ABLIM2: variants seen among roughly 807,000 people sequenced by gnomAD.
ABLIM2 encodes actin-binding LIM protein 2.
Under a neutral mutation model 97.7 loss-of-function variants are expected in ABLIM2, and 53 were observed. The ratio of observed to expected loss-of-function variants is 0.54; its 90% CI spans 0.44 to 0.68. ABLIM2 has a LOEUF of 0.68. Ranked by LOEUF, ABLIM2 falls within the 30% of genes least tolerant of loss-of-function variation. The probability of loss-of-function intolerance (pLI) is 0.00; values close to 1 mark genes in which losing one functional copy is unlikely to be tolerated. For synonymous variants in ABLIM2, 361 were observed against 345.8 expected (o/e 1.04, Z -0.49); for missense variants, 835 against 867.2 (o/e 0.96, Z 0.47).
In ABLIM2 at chr4:8,083,245, T is replaced by C. The variant is rs538201457; in HGVS notation, c.455-2443A>G. On this transcript the variant is annotated intron_variant, in intron 4 of 20. Transcript: ENST00000447017. The surrounding 1 kb of genome is among the most constrained non-coding windows in gnomAD (Gnocchi z 4.6). ...GACAGCAGCGGTCAGATCCCAGCAA[T>C]GCCCCCCACCGGCTGTGACCTGGGG... Among the ~76,000 whole-genome samples the C allele has an allele frequency of 6.6e-6, 1 of 152,284 alleles. No individual in the cohort carries two copies. Among genetic ancestry groups the C allele is most frequent in the Non-Finnish European group, 1.5e-5 (1 of 68,022 alleles).
chr4:8,000,685 G>T (rs1756531234), intron 16 of ABLIM2, among the ~76,000 whole-genome samples: 1 of 152,118 alleles, frequency 6.6e-6, no homozygotes, highest in South Asian at 2.1e-4. Context: ...AGGAAAGAAG[G>T]CTGCTGCTCA....
chr4:8,019,733 T>C lies in ABLIM2; in HGVS notation c.1370-62A>G. 6.7e-7 allele frequency: 1 copy of C among 1,491,372 alleles called. No homozygotes were observed. Among genetic ancestry groups the C allele is most frequent in the Non-Finnish European group, 9.3e-7 (1 of 1,074,648 alleles). 92.4% of individuals were successfully genotyped at this position (1,491,372 alleles called of 1,614,324 possible). A position where few individuals can be genotyped will look rare whatever the true frequency, so the allele number is the denominator to read the frequency against. On this transcript the variant is annotated intron_variant, in intron 13 of 20. Transcript: ENST00000447017. The surrounding 1 kb of genome is among the most constrained non-coding windows in gnomAD (Gnocchi z 4.3). ...AGGGTAAGCAGCAAGTTGTGATGGT[T>C]TCTGTTCTACAGCTTTTTGTAAGCA...
Position 7,967,108 on chromosome 4 carries a change from AAAC to A in ABLIM2, c.1825-8_1825-6del. ...CTCCTCGGGCGACAAGTGTCTCTTC[AAAC>A]AAAAAGGCAAAACAGAAGGGACCAG... On this transcript the variant is annotated splice_polypyrimidine_tract_variant and splice_region_variant and intron_variant, in intron 20 of 20. Transcript: ENST00000447017. The A allele has an allele frequency of 6.2e-7, 1 of 1,612,972 alleles. No individual in the cohort carries two copies. Among genetic ancestry groups the A allele is most frequent in the Non-Finnish European group, 8.5e-7 (1 of 1,179,530 alleles).
At position 8,132,797 on chromosome 4, in the gene ABLIM2, G is replaced by A. The variant is rs1010544610; in HGVS notation, c.10+25883C>T. ...CCTCATCTGTAAATGGGGATACCAC[G>A]GACTGGGCTGCAGGGAGACTAAATG... On this transcript the variant is annotated intron_variant, in intron 1 of 20. Coordinates refer to ENST00000447017, the MANE Select transcript of ABLIM2 (RefSeq NM_001130083.2). This position sits in a 1 kb window ranked among gnomAD's most constrained non-coding sequence, Gnocchi z 8.0. Among the ~76,000 whole-genome samples the A allele has an allele frequency of 4.6e-5, 7 of 152,142 alleles. No individual in the cohort carries two copies. Among genetic ancestry groups the A allele is most frequent in the Admixed American group, 2.0e-4 (3 of 15,276 alleles).
chr4:8,051,248 A>C (rs889002196), intron 8 of ABLIM2, among the ~76,000 whole-genome samples: 5 of 152,174 alleles, frequency 3.3e-5, no homozygotes, highest in Admixed American at 6.5e-5. Context: ...GGTAGGAGTT[A>C]TTAAGAAATT....
At chr4:8,052,151 C>G (rs1353823302) in intron 8 of ABLIM2, among the ~76,000 whole-genome samples, 1 of 152,228 alleles carries the variant, frequency 6.6e-6, no homozygotes, top group African/African-American at 2.4e-5. Flanking sequence ...TGTTTCTCCA[C>G]TCATCGGAGC....
chr4:8,037,574 C>A (rs1785381627), intron 9 of ABLIM2, among the ~76,000 whole-genome samples: 1 of 152,114 alleles, frequency 6.6e-6, no homozygotes, highest in South Asian at 2.1e-4. Context: ...CACACACTGG[C>A]ACACACCTGC....
At chr4:8,143,074 C>T (rs955411610) in intron 1 of ABLIM2, among the ~76,000 whole-genome samples, 1 of 151,354 alleles carries the variant, frequency 6.6e-6, no homozygotes, top group South Asian at 2.1e-4. Flanking sequence ...CGGCTCTTGT[C>T]CTTCTTCTCC....
At chr4:7,982,930 T>C (rs1446540704) in intron 20 of ABLIM2, among the ~76,000 whole-genome samples, 2 of 152,210 alleles carry the variant, frequency 1.3e-5, no homozygotes, top group East Asian at 3.8e-4. Flanking sequence ...CTCGAACTCC[T>C]GATCTCTGGT....
chr4:8,140,194 A>G lies in ABLIM2; in HGVS notation c.10+18486T>C, dbSNP rs551029166. Reference sequence around the variant, plus strand: ...GGGTTAACAGGTGCGGCAAACCACCATGGCACACGTTTACCTGTGTAACAA... The same window carrying G: ...GGGTTAACAGGTGCGGCAAACCACCGTGGCACACGTTTACCTGTGTAACAA... On this transcript the variant is annotated intron_variant, in intron 1 of 20. Transcript: ENST00000447017. This position sits in a 1 kb window ranked among gnomAD's most constrained non-coding sequence, Gnocchi z 5.9. Among the ~76,000 whole-genome samples the G allele has an allele frequency of 6.6e-6, 1 of 152,304 alleles. No individual in the cohort carries two copies. The highest frequency in any genetic ancestry group is 6.5e-5 in the Admixed American group (1 of 15,312).
chr4:8,078,546 G>A (rs1392204687), intron 5 of ABLIM2, among the ~76,000 whole-genome samples: 1 of 152,210 alleles, frequency 6.6e-6, no homozygotes, highest in African/African-American at 2.4e-5. Context: ...ATTATTAAGA[G>A]ATCAACATGC....
intron 1 of ABLIM2, among the ~76,000 whole-genome samples, chr4:8,117,367 C>T (rs1382860211): frequency 5.9e-5 from 9 of 152,168 alleles, no homozygotes; most frequent in Non-Finnish European, 1.2e-4. Flanking sequence ...GCAAGTCACA[C>T]CTACAGACTC....
intron 16 of ABLIM2, among the ~76,000 whole-genome samples, chr4:7,995,196 G>C (rs570899583): frequency 6.6e-6 from 1 of 152,218 alleles, no homozygotes; most frequent in East Asian, 1.9e-4. Context: ...GACCTGTCCT[G>C]GGTCCCTAAA....
rs542740048 is a variant in ABLIM2 at position 8,000,385 on chromosome 4, AT to A, written c.1619-7459del. 2.2e-3 allele frequency among the ~76,000 whole-genome samples: 340 copies of A among 152,268 alleles called. 5 individuals carry two copies. The highest frequency in any genetic ancestry group is 7.8e-3 in the African/African-American group (322 of 41,520). On this transcript the variant is annotated intron_variant, in intron 16 of 20. Transcript: ENST00000447017. ...ACATGCTCCCTGGCAGGACTGGATCATCCCTGTTCTTACAGATGAGGGAACT... is the reference window on the plus strand; with the variant it reads ...ACATGCTCCCTGGCAGGACTGGATCACCCTGTTCTTACAGATGAGGGAACT...
At chr4:8,024,303 C>T (rs1775909797) in intron 12 of ABLIM2, among the ~76,000 whole-genome samples, 1 of 152,130 alleles carries the variant, frequency 6.6e-6, no homozygotes, top group Non-Finnish European at 1.5e-5. Context: ...AGGGGACACG[C>T]CAAACTGAAA....
At chr4:7,989,333 C>T in intron 17 of ABLIM2, 1 of 889,990 alleles carries the variant, frequency 1.1e-6, no homozygotes. Context: ...CCCACCTCGG[C>T]CTCGCAGAGT....
At chr4:8,057,674 C>A (rs943277008) in intron 7 of ABLIM2, among the ~76,000 whole-genome samples, 2 of 152,224 alleles carry the variant, frequency 1.3e-5, no homozygotes, top group Admixed American at 6.5e-5. Context: ...GGCATCTTAA[C>A]AATTAGCAGG....
At chr4:8,133,569 T>C (rs967031390) in intron 1 of ABLIM2, among the ~76,000 whole-genome samples, 1 of 152,158 alleles carries the variant, frequency 6.6e-6, no homozygotes, top group African/African-American at 2.4e-5. Context: ...GCCTCCCAGG[T>C]TGAGAGCAAA....
chr4:8,133,391 C>T (rs1351786068), intron 1 of ABLIM2, among the ~76,000 whole-genome samples: 2 of 152,146 alleles, frequency 1.3e-5, no homozygotes, highest in Non-Finnish European at 2.9e-5. Flanking sequence ...AGGGAGTTTT[C>T]TCCCCGTCCC....
Sources: gnomAD v4.1 joint callset for allele counts (sites outside exome capture counted in the v4.1 genomes callset) on GRCh38, gnomAD v4.1.1 for gene constraint, Gnocchi (gnomAD v3.1) non-coding constraint, MANE v1.5 for transcripts, NCBI Gene and HGNC (gene_info 2026-07-23, HGNC 2026-07-21) for gene names.